The following FNDC3A variants were observed in gnomAD, a reference collection of about 807,000 sequenced individuals.
FNDC3A encodes fibronectin type-III domain-containing protein 3A.
Under a neutral mutation model 148.9 loss-of-function variants are expected in FNDC3A, and 32 were observed. The ratio of observed to expected loss-of-function variants is 0.21; its 90% confidence interval spans 0.16 to 0.29. FNDC3A has a LOEUF of 0.29. FNDC3A is among the 10% of genes least tolerant of loss of function. FNDC3A has a pLI of 1.00. For missense variants in FNDC3A, 1,191 were observed against 1,452.8 expected, an observed-to-expected ratio of 0.82 and a Z score of 2.93; for synonymous variants, 472 against 473.6, an observed-to-expected ratio of 1.00 and a Z score of 0.04.
chr13:49,007,747 TG>T (rs1183581812), intron 2 of FNDC3A, among the ~76,000 whole-genome samples: 12 of 150,108 alleles, frequency 8.0e-5, no homozygotes, highest in Admixed American at 6.0e-4. Flanking sequence ...AGAAAGGATC[TG>T]GGAATAGAAG....
At chr13:49,035,735 T>C (rs1280940235) in intron 2 of FNDC3A, among the ~76,000 whole-genome samples, 1 of 152,096 alleles carries the variant, frequency 6.6e-6, no homozygotes, top group South Asian at 2.1e-4. Flanking sequence ...AAAGAGTGCC[T>C]AACATATAGT....
At chr13:49,076,027 A>G (rs904208415) in intron 3 of FNDC3A, among the ~76,000 whole-genome samples, 1 of 152,004 alleles carries the variant, frequency 6.6e-6, no homozygotes, top group Non-Finnish European at 1.5e-5. Flanking sequence ...ACTCACCCTC[A>G]CTTATTCATT....
chr13:49,084,000 T>C (rs1878647340), intron 3 of FNDC3A, among the ~76,000 whole-genome samples: 1 of 152,236 alleles, frequency 6.6e-6, no homozygotes, highest in South Asian at 2.1e-4. Context: ...ATTTAACAAG[T>C]CTATCTGTGC....
rs1882357114 is a variant in FNDC3A at position 49,136,367 on chromosome 13, G to A, written c.526G>A (p.Asp176Asn). The A allele has an allele frequency of 6.2e-7, 1 of 1,614,070 alleles. No homozygotes were observed. Among genetic ancestry groups the A allele is most frequent in the Admixed American group, 1.7e-5 (1 of 60,014 alleles). The change falls in exon 6 of 26, where the codon GAT becomes AAT. Residue 176 changes from aspartate (D) to asparagine (N), a missense_variant. Physicochemically the swap from Asp to Asn is conservative, Grantham distance 23. Coordinates refer to ENST00000492622, the MANE Select transcript of FNDC3A (RefSeq NM_001079673.2). ...TACACATGGAAGGTCCAACTTTAGA[G>A]ATGAACGATCTAGTAAAACATATGA... is the stretch of plus-strand genomic sequence containing the variant. Reference protein sequence around the residue: ...HSTHGRSNFRDERSSKTYERL... With the variant: ...HSTHGRSNFRNERSSKTYERL...
chr13:49,083,132 G>C (rs566957737), intron 3 of FNDC3A, among the ~76,000 whole-genome samples: 1 of 152,150 alleles, frequency 6.6e-6, no homozygotes, highest in Non-Finnish European at 1.5e-5. Flanking sequence ...TAAGAACTCA[G>C]TATTACTTGC....
At chr13:49,042,788 G>T (rs1240893235) in intron 2 of FNDC3A, among the ~76,000 whole-genome samples, 1 of 152,006 alleles carries the variant, frequency 6.6e-6, no homozygotes, top group East Asian at 1.9e-4. Context: ...AAAATTAATT[G>T]TTGTTGTAAG....
intron 2 of FNDC3A, among the ~76,000 whole-genome samples, chr13:49,057,569 A>G (rs1254652723): frequency 6.6e-6 from 1 of 151,946 alleles, no homozygotes; most frequent in Non-Finnish European, 1.5e-5. Context: ...TTTTGTGGGG[A>G]TGATTTTTAG....
chr13:49,073,749 GTATATATAATATATA>G (rs1877880390), intron 2 of FNDC3A, among the ~76,000 whole-genome samples: 1 of 143,030 alleles, frequency 7.0e-6, no homozygotes, highest in Admixed American at 7.1e-5. Context: ...TAATATATGT[GTATATATAATATATA>G]TGTATATAAT....
At chr13:49,154,142 T>C (rs1883501104) in intron 8 of FNDC3A, among the ~76,000 whole-genome samples, 1 of 146,618 alleles carries the variant, frequency 6.8e-6, no homozygotes, top group South Asian at 2.3e-4. Flanking sequence ...TGATTCTTCC[T>C]ACCCATGAGC....
At chr13:49,107,057 G>GTC (rs1880241358) in intron 3 of FNDC3A, among the ~76,000 whole-genome samples, 1 of 152,130 alleles carries the variant, frequency 6.6e-6, no homozygotes, top group Admixed American at 6.5e-5. Flanking sequence ...GATGGTGAAG[G>GTC]AGCACATGGA....
intron 2 of FNDC3A, among the ~76,000 whole-genome samples, chr13:49,045,277 C>A (rs1299795411): frequency 1.3e-5 from 2 of 152,058 alleles, no homozygotes; most frequent in African/African-American, 4.8e-5. Flanking sequence ...CCTCAGTCTC[C>A]CGAGTAGCTG....
chr13:49,196,910 A>G lies in FNDC3A; in HGVS notation c.2260A>G (p.Thr754Ala), dbSNP rs1396348042. Residue 754 changes from threonine to alanine, a missense_variant, in exon 20 of 26, where the codon ACA becomes GCA. Around this residue, in one of 3 missense-constraint regions of FNDC3A, gnomAD observed 751 missense variants for 944.0 expected, o/e 0.80. Transcript: ENST00000492622. Reference protein sequence around the residue: ...GPFSEKCDITTAPGPPDQCKP... With the variant: ...GPFSEKCDITAAPGPPDQCKP... ...ATTTTCAGAAAAATGTGATATTACTACAGCCCCTGGGCCACCAGATCAGTG... is the reference window on the plus strand; with the variant it reads ...ATTTTCAGAAAAATGTGATATTACTGCAGCCCCTGGGCCACCAGATCAGTG... 8.7e-6 allele frequency: 14 copies of G among 1,608,606 alleles called. No homozygotes were observed. The Admixed American group carries it at 1.5e-4, about 18-fold the overall frequency.
At chr13:49,008,612 TCTC>T (rs1425007019) in intron 2 of FNDC3A, among the ~76,000 whole-genome samples, 2 of 152,222 alleles carry the variant, frequency 1.3e-5, no homozygotes, top group African/African-American at 2.4e-5. Context: ...AGATTATCTG[TCTC>T]CTCATTAATA....
At chr13:49,090,392 T>A (rs1475108168) in intron 3 of FNDC3A, among the ~76,000 whole-genome samples, 1 of 151,888 alleles carries the variant, frequency 6.6e-6, no homozygotes, top group Non-Finnish European at 1.5e-5. Context: ...CCAGCCTGGG[T>A]GACAGAGCGA....
At chr13:49,112,162 A>G (rs540498101) in intron 3 of FNDC3A, among the ~76,000 whole-genome samples, 1 of 152,340 alleles carries the variant, frequency 6.6e-6, no homozygotes, top group Admixed American at 6.5e-5. Flanking sequence ...GACAGCATAT[A>G]AAAGGACCCA....
rs1882966453 is a variant in FNDC3A, at chr13:49,145,901, A to G, written c.943A>G (p.Thr315Ala). ...LYGYEVLISS[T>A]GKDGKYKSVY... ...TGGTTATGAAGTTCTGATCTCAAGT[A>G]CTGGAAAAGATGGGAAATACAAAAG... is the stretch of plus-strand genomic sequence containing the variant. Residue 315 changes from threonine to alanine, a missense_variant, in exon 8 of 26, where the codon ACT becomes GCT. Physicochemically the swap from Thr to Ala is moderately conservative, Grantham distance 58 (BLOSUM62 0). Coordinates refer to ENST00000492622, the MANE Select transcript of FNDC3A (RefSeq NM_001079673.2). The G allele has an allele frequency of 6.2e-7, 1 of 1,612,950 alleles. No individual in the cohort carries two copies. The highest frequency in any genetic ancestry group is 8.5e-7 in the Non-Finnish European group (1 of 1,179,360).
At chr13:49,055,644 C>A (rs546370259) in intron 2 of FNDC3A, among the ~76,000 whole-genome samples, 9 of 152,138 alleles carry the variant, frequency 5.9e-5, no homozygotes, top group Non-Finnish European at 8.8e-5. Flanking sequence ...CTCTTTCAAC[C>A]AATTGCCAAT....
At chr13:49,060,673 C>G in intron 2 of FNDC3A, among the ~76,000 whole-genome samples, 1 of 139,848 alleles carries the variant, frequency 7.2e-6, no homozygotes. Context: ...AAAAAAAGTG[C>G]TGATGCATGC....
chr13:49,163,989 C>T (rs539555581), intron 8 of FNDC3A, among the ~76,000 whole-genome samples: 3 of 152,250 alleles, frequency 2.0e-5, no homozygotes, highest in Admixed American at 2.0e-4. Flanking sequence ...TTTATACTTT[C>T]ATGTGTCTTC....
Sources: gnomAD v4.1 joint callset for allele counts (sites outside exome capture counted in the v4.1 genomes callset) on GRCh38, gnomAD v4.1.1 for gene constraint, gnomAD v4.1.1 regional missense constraint, MANE v1.5 for transcripts, NCBI Gene and HGNC (gene_info 2026-07-23, HGNC 2026-07-21) for gene names.